Variants in SDK2 observed in about 807,000 individuals in gnomAD.
SDK2 encodes the protein protein sidekick-2.
SDK2 carries 105 observed loss-of-function variants against 253.9 expected under a neutral mutation model. The observed-to-expected ratio is 0.41, with a 90% CI of 0.35 to 0.49. The LOEUF (loss-of-function observed/expected upper bound fraction) is 0.49, where lower values mean the gene tolerates loss of function less well. Ranked by LOEUF, SDK2 falls within the 20% of genes least tolerant of loss-of-function variation. The pLI, the probability that SDK2 is intolerant of heterozygous loss-of-function variation, is 0.06. For missense variants in SDK2, 2,608 were observed against 3,003.0 expected (o/e 0.87, Z 3.07); for synonymous variants, 1,249 against 1,234.9 (o/e 1.01, Z -0.24).
At chr17:73,583,420 C>T (rs2045562236) in intron 1 of SDK2, among the ~76,000 whole-genome samples, 1 of 152,148 alleles carries the variant, frequency 6.6e-6, no homozygotes, top group South Asian at 2.1e-4. Context: ...GTGGAATTCT[C>T]CCTTCTGGAA....
intron 1 of SDK2, among the ~76,000 whole-genome samples, chr17:73,569,974 G>C (rs953418256): frequency 6.6e-6 from 1 of 152,124 alleles, no homozygotes; most frequent in Non-Finnish European, 1.5e-5. Context: ...GTTACGGGAG[G>C]CTGCAGCCAT....
intron 6 of SDK2, among the ~76,000 whole-genome samples, chr17:73,439,699 G>T (rs1172667955): frequency 6.6e-6 from 1 of 152,220 alleles, no homozygotes; most frequent in African/African-American, 2.4e-5. Flanking sequence ...AGGTCAGGCT[G>T]GGTCAGCGCG....
At chr17:73,441,068 G>A in intron 5 of SDK2, 145 bp from the exon 6 acceptor site, 1 of 616,054 alleles carries the variant, frequency 1.6e-6, no homozygotes, top group Non-Finnish European at 2.9e-6. Context: ...CAGACCTCCA[G>A]ACACTGACCC....
rs2045952503 is a variant in SDK2 at position 73,609,914 on chromosome 17, G to A, written c.64+34111C>T. On this transcript the variant is annotated intron_variant, in intron 1 of 44. Transcript: ENST00000392650. This position sits in a 1 kb window ranked among gnomAD's most constrained non-coding sequence, Gnocchi z 4.4. The stretch of plus-strand genomic sequence containing the variant: ...AGGCAGCTGTCAGGAGACAAAAACA[G>A]CTCACTGGAGCAAGGGCTGGGACTG... 6.6e-6 allele frequency among the ~76,000 whole-genome samples: 1 copy of A among 152,234 alleles called. No homozygotes were observed. The highest frequency in any genetic ancestry group is 1.5e-5 in the Non-Finnish European group (1 of 68,038).
At chr17:73,423,674 TTC>T (rs2063253501) in intron 13 of SDK2, among the ~76,000 whole-genome samples, 152 bp from the exon 14 acceptor site, 1 of 152,194 alleles carries the variant, frequency 6.6e-6, no homozygotes, top group South Asian at 2.1e-4. Context: ...CTGGAGATTT[TTC>T]TCTCTGGAAC....
intron 1 of SDK2, among the ~76,000 whole-genome samples, chr17:73,545,408 T>C (rs1026215282): frequency 1.3e-5 from 2 of 151,596 alleles, no homozygotes; most frequent in African/African-American, 4.9e-5. Context: ...CCTAAATAAA[T>C]GAATGCACAC....
chr17:73,545,231 G>A (rs1289203366), intron 1 of SDK2, among the ~76,000 whole-genome samples: 2 of 152,082 alleles, frequency 1.3e-5, no homozygotes, highest in Non-Finnish European at 2.9e-5. Flanking sequence ...GTGAACTGCA[G>A]GGAGCTTGCC....
At position 73,455,077 on chromosome 17, in the gene SDK2, G is replaced by T. The variant is rs892420473; in HGVS notation, c.479+829C>A. ...CCAACTAGACTTAATGCTCCCCAAA[G>T]GCAGGAACCATCCATCTACGCCTCC... On this transcript the variant is annotated intron_variant, in intron 4 of 44. Coordinates refer to ENST00000392650, the MANE Select transcript of SDK2 (RefSeq NM_001144952.2). This position sits in a 1 kb window ranked among gnomAD's most constrained non-coding sequence, Gnocchi z 5.0. 3.9e-5 allele frequency among the ~76,000 whole-genome samples: 6 copies of T among 152,082 alleles called. No individual in the cohort carries two copies. The highest frequency in any genetic ancestry group is 7.4e-5 in the Non-Finnish European group (5 of 68,020).
intron 1 of SDK2, among the ~76,000 whole-genome samples, chr17:73,553,134 A>T (rs2045089285): frequency 6.6e-6 from 1 of 151,986 alleles, no homozygotes; most frequent in Admixed American, 6.6e-5. Flanking sequence ...TCTTGGCCCC[A>T]CTCTGGGCAT....
At chr17:73,507,622 A>T (rs2063946673) in intron 1 of SDK2, 25 bp from the exon 2 acceptor site, 1 of 1,547,022 alleles carries the variant, frequency 6.5e-7, no homozygotes, top group Non-Finnish European at 8.7e-7. Context: ...AGACAAAGCC[A>T]CCAGTGATCA....
At chr17:73,428,946 A>G (rs544058277) in intron 12 of SDK2, among the ~76,000 whole-genome samples, 124 of 152,298 alleles carry the variant, frequency 8.1e-4, no homozygotes, top group African/African-American at 2.9e-3. Context: ...GTAACCTGGT[A>G]CAGGGATTTC....
At chr17:73,415,369 T>C (rs1477896161) in intron 17 of SDK2, among the ~76,000 whole-genome samples, 2 of 150,976 alleles carry the variant, frequency 1.3e-5, no homozygotes, top group African/African-American at 4.9e-5. Flanking sequence ...TTTTTTTTTT[T>C]TGAGACAGAG....
chr17:73,555,404 T>C (rs116638265), intron 1 of SDK2, among the ~76,000 whole-genome samples: 2,057 of 152,258 alleles, frequency 0.014, 32 homozygotes, highest in African/African-American at 0.043. Flanking sequence ...GGAGGCGCCA[T>C]TGGGAGCGGT....
At chr17:73,385,810 G>A (rs1477988390) in intron 32 of SDK2, 37 bp downstream of exon 32, 17 of 1,559,932 alleles carry the variant, frequency 1.1e-5, no homozygotes, top group Non-Finnish European at 1.5e-5. Context: ...GAGCTCGTCT[G>A]GGTCTTCACG....
At chr17:73,611,009 C>T (rs945001255) in intron 1 of SDK2, among the ~76,000 whole-genome samples, 2 of 152,200 alleles carry the variant, frequency 1.3e-5, no homozygotes, top group East Asian at 1.9e-4. Flanking sequence ...AAGTCAGCTA[C>T]AGGTCTTAAT....
At chr17:73,377,413 T>C (rs1232623393) in intron 36 of SDK2, among the ~76,000 whole-genome samples, 1 of 151,504 alleles carries the variant, frequency 6.6e-6, no homozygotes, top group Non-Finnish European at 1.5e-5. Flanking sequence ...GAGATGGGGT[T>C]TCACCATGTT....
chr17:73,467,897 G>C lies in SDK2; in HGVS notation c.331+4215C>G, dbSNP rs535750601. 1.4e-4 allele frequency among the ~76,000 whole-genome samples: 21 copies of C among 152,298 alleles called. No individual in the cohort carries two copies. The South Asian group carries it at 1.7e-3, about 12-fold the overall frequency. ...TTCAGGGAGCTGCAGCTGGTGGACA[G>C]GGGGAGGTTAACCTGGGTCTCTCTC... On this transcript the variant is annotated intron_variant, in intron 3 of 44. Coordinates refer to ENST00000392650, the MANE Select transcript of SDK2 (RefSeq NM_001144952.2). This position sits in a 1 kb window ranked among gnomAD's most constrained non-coding sequence, Gnocchi z 4.1.
chr17:73,634,845 AC>A (rs1182767785), intron 1 of SDK2, among the ~76,000 whole-genome samples: 1 of 152,198 alleles, frequency 6.6e-6, no homozygotes, highest in African/African-American at 2.4e-5. Flanking sequence ...AGCTCGTTAA[AC>A]CCTGTCACAA....
At chr17:73,560,128 A>C (rs750720506) in intron 1 of SDK2, among the ~76,000 whole-genome samples, 97 of 152,216 alleles carry the variant, frequency 6.4e-4, no homozygotes, top group Non-Finnish European at 1.3e-3. Context: ...CTAAGGGCAA[A>C]CTGCCTAAGC....
Sources: gnomAD v4.1 joint callset for allele counts (sites outside exome capture counted in the v4.1 genomes callset) on GRCh38, gnomAD v4.1.1 for gene constraint, Gnocchi (gnomAD v3.1) non-coding constraint, MANE v1.5 for transcripts, NCBI Gene and HGNC (gene_info 2026-07-23, HGNC 2026-07-21) for gene names.